Variants in TDRD5 observed in about 807,000 individuals in gnomAD.
TDRD5 encodes the protein tudor domain-containing protein 5.
In TDRD5, 41 loss-of-function variants were observed where a neutral mutation model predicts 120.6. The observed-to-expected ratio is 0.34, with a 90% CI of 0.26 to 0.44. The LOEUF is 0.44. TDRD5 is among the 20% of genes least tolerant of loss of function. The pLI is 1.00. For synonymous variants in TDRD5, 430 were observed against 433.7 expected (o/e 0.99, Z 0.11); for missense variants, 1,006 against 1,221.2 (o/e 0.82, Z 2.63).
intron 11 of TDRD5, among the ~76,000 whole-genome samples, chr1:179,641,125 TC>T (rs149698000): frequency 0.34 from 51,702 of 152,016 alleles, 8,982 homozygotes; most frequent in Admixed American, 0.42. Flanking sequence ...CCTTCAGAAC[TC>T]TTACTAGCTC....
intron 11 of TDRD5, among the ~76,000 whole-genome samples, chr1:179,642,140 G>T (rs1362014596): frequency 2.1e-5 from 3 of 142,726 alleles, no homozygotes; most frequent in Admixed American, 7.1e-5. Flanking sequence ...TTCCTTCATT[G>T]CCCAGGCTGG....
At chr1:179,640,769 G>A (rs528816077) in intron 11 of TDRD5, among the ~76,000 whole-genome samples, 11 of 152,264 alleles carry the variant, frequency 7.2e-5, no homozygotes, top group African/African-American at 2.6e-4. Flanking sequence ...CCAAGCAAAG[G>A]GAGGGTAGCA....
chr1:179,658,441 G>T (rs1465038628), intron 14 of TDRD5, among the ~76,000 whole-genome samples: 1 of 152,116 alleles, frequency 6.6e-6, no homozygotes, highest in African/African-American at 2.4e-5. Flanking sequence ...TGCTTTAGTA[G>T]ATATAAGATT....
At chr1:179,654,612 A>C (rs1678899557) in intron 14 of TDRD5, among the ~76,000 whole-genome samples, 1 of 151,814 alleles carries the variant, frequency 6.6e-6, no homozygotes, top group Non-Finnish European at 1.5e-5. Flanking sequence ...AAAATGTACC[A>C]AAAAAAATTA....
chr1:179,605,335 G>A (rs999749103), intron 4 of TDRD5, among the ~76,000 whole-genome samples: 3 of 152,064 alleles, frequency 2.0e-5, no homozygotes, highest in Admixed American at 1.3e-4. Flanking sequence ...CTGCAGTTCT[G>A]TATCTTTTAA....
At chr1:179,666,825 C>G (rs1679579437) in intron 16 of TDRD5, among the ~76,000 whole-genome samples, 1 of 152,178 alleles carries the variant, frequency 6.6e-6, no homozygotes, top group Non-Finnish European at 1.5e-5. Flanking sequence ...CAATTGTAAT[C>G]ATGTCTTTTT....
At chr1:179,690,647 G>A in intron 17 of TDRD5, 49 bp from the exon 18 acceptor site, 1 of 1,579,468 alleles carries the variant, frequency 6.3e-7, no homozygotes, top group Non-Finnish European at 8.6e-7. Context: ...AGGAGGCAGT[G>A]AGTATGAGTA....
chr1:179,627,763 C>T (rs564736502), intron 6 of TDRD5, among the ~76,000 whole-genome samples: 2 of 152,206 alleles, frequency 1.3e-5, no homozygotes, highest in Admixed American at 6.5e-5. Context: ...ACTGATGACT[C>T]AACATAGAGG....
At chr1:179,592,287 T>A in intron 1 of TDRD5, 162 bp downstream of exon 1, 1 of 291,478 alleles carries the variant, frequency 3.4e-6, no homozygotes, top group Non-Finnish European at 6.6e-6. Flanking sequence ...TTCCTAGTCC[T>A]GGTTCCCGAG....
At position 179,671,108 on chromosome 1, in the gene TDRD5, A is replaced by G. The variant is rs181314368; in HGVS notation, c.2860+1704A>G. On this transcript the variant is annotated intron_variant, in intron 17 of 17. Coordinates refer to ENST00000444136, the MANE Select transcript of TDRD5 (RefSeq NM_001199085.3). ...TCCAGCACCATTTGTTGAAAAGACT[A>G]TCTCCAGTAAATTGCCTTGACACCT... Among the ~76,000 whole-genome samples, 14 of 152,322 alleles carry G rather than the reference A, an allele frequency of 9.2e-5. No homozygotes were observed. In the East Asian group the frequency reaches 2.7e-3, roughly 29 times the overall value.
chr1:179,641,304 C>T (rs1382217708), intron 11 of TDRD5, among the ~76,000 whole-genome samples: 6 of 152,056 alleles, frequency 3.9e-5, no homozygotes, highest in East Asian at 1.9e-4. Flanking sequence ...CCAAGGCGGG[C>T]GGATCACCTG....
chr1:179,611,746 T>G (rs1558378210), intron 4 of TDRD5, among the ~76,000 whole-genome samples: 3 of 151,924 alleles, frequency 2.0e-5, no homozygotes, highest in Admixed American at 1.3e-4. Context: ...AGTTGAGGAG[T>G]GAGAGAGATG....
intron 11 of TDRD5, among the ~76,000 whole-genome samples, chr1:179,643,169 G>A (rs981193291): frequency 8.5e-5 from 13 of 152,176 alleles, no homozygotes; most frequent in Non-Finnish European, 1.8e-4. Context: ...AGAGATTTCT[G>A]TTGCTACAGA....
chr1:179,640,543 G>T, intron 11 of TDRD5, 98 bp downstream of exon 11: 1 of 1,267,706 alleles, frequency 7.9e-7, no homozygotes, highest in South Asian at 1.2e-5. Context: ...ATAAAACGTA[G>T]AACCAGCCTT....
intron 6 of TDRD5, among the ~76,000 whole-genome samples, chr1:179,623,876 C>G (rs1363428186): frequency 6.6e-6 from 1 of 151,982 alleles, no homozygotes; most frequent in East Asian, 1.9e-4. Flanking sequence ...TGCCCTAAAG[C>G]AGTCCTTCTA....
chr1:179,637,873 G>A (rs1677851840), intron 9 of TDRD5, among the ~76,000 whole-genome samples: 1 of 152,294 alleles, frequency 6.6e-6, no homozygotes, highest in Non-Finnish European at 1.5e-5. Context: ...AAAGGGAGTC[G>A]TTCTGCCTGG....
At position 179,612,984 on chromosome 1, in the gene TDRD5, C is replaced by T. The variant is rs182669550; in HGVS notation, c.832-5615C>T. ...GTACCCCATTCTACCTATTCCCTGC[C>T]CCCTCTGTCTTACAGATTCAAGACC... On this transcript the variant is annotated intron_variant, in intron 4 of 17. Transcript: ENST00000444136. Among the ~76,000 whole-genome samples, 11 of 151,742 alleles carry T rather than the reference C, an allele frequency of 7.2e-5. No individual in the cohort carries two copies. In the East Asian group the frequency reaches 2.1e-3, roughly 29 times the overall value.
At chr1:179,686,303 C>T (rs973165484) in intron 17 of TDRD5, among the ~76,000 whole-genome samples, 5 of 152,062 alleles carry the variant, frequency 3.3e-5, no homozygotes, top group Non-Finnish European at 7.4e-5. Flanking sequence ...GAGATAATCA[C>T]TTGGTTTTTG....
chr1:179,655,553 G>C (rs1678959543), intron 14 of TDRD5, among the ~76,000 whole-genome samples: 1 of 152,126 alleles, frequency 6.6e-6, no homozygotes, highest in African/African-American at 2.4e-5. Flanking sequence ...TTGGGATGCA[G>C]AACAGCTCCA....
Sources: gnomAD v4.1 joint callset for allele counts (sites outside exome capture counted in the v4.1 genomes callset) on GRCh38, gnomAD v4.1.1 for gene constraint, MANE v1.5 for transcripts, NCBI Gene and HGNC (gene_info 2026-07-23, HGNC 2026-07-21) for gene names.